Variants in SERHL2 observed in about 807,000 individuals in gnomAD.
SERHL2 encodes serine hydrolase-like protein 2.
SERHL2 carries 29 observed loss-of-function variants against 25.5 expected under a neutral mutation model. The ratio of observed to expected loss-of-function variants is 1.14; its 90% CI spans 0.85 to 1.55. SERHL2 has a LOEUF of 1.55. Among genes scored for constraint, SERHL2 ranks in the 40% most tolerant of loss-of-function variants. SERHL2 has a pLI of 0.00. For synonymous variants in SERHL2, 95 were observed against 103.5 expected (o/e 0.92, Z 0.50); for missense variants, 240 against 252.3 (o/e 0.95, Z 0.33).
rs1341315220 is a variant in SERHL2, at chr22:42,556,704, T to C, written c.423+116T>C. ...GGAAGCACGAGGAGGCGGCAGAGGG[T>C]GGGAAAGGGGAGTCAGGGACCCGCT... On this transcript the variant is annotated intron_variant, in intron 6 of 11. Coordinates refer to ENST00000327678, the MANE Select transcript of SERHL2 (RefSeq NM_014509.5). The C allele has an allele frequency of 1.1e-4, 118 of 1,080,560 alleles. 2 individuals are homozygous for C. In the Admixed American group the frequency reaches 2.7e-3, roughly 25 times the overall value. The allele number at this position is 1,080,560 out of a possible 1,614,324, so 66.9% of individuals were successfully genotyped here. A position where few individuals can be genotyped will look rare whatever the true frequency, so the allele number is the denominator to read the frequency against.
chr22:42,569,540 G>C (rs1361007199), intron 9 of SERHL2: 3 of 151,920 alleles, frequency 2.0e-5, no homozygotes, highest in Non-Finnish European at 4.4e-5. Flanking sequence ...GATTACAGGC[G>C]TGAGTGACTG....
rs181133169 is a variant in SERHL2, at chr22:42,560,964, C to T, written c.613+699C>T. Among the ~76,000 whole-genome samples, 301 of 151,880 alleles carry T rather than the reference C, an allele frequency of 2.0e-3. 1 individual carries two copies. Among genetic ancestry groups the T allele is most frequent in the African/African-American group, 6.9e-3 (286 of 41,500 alleles). ...CAGTGAGGCTGCAGTGAGCAAGAGC[C>T]GACTGTCCCTCTCTCAGTGGGGCCA... On this transcript the variant is annotated intron_variant, in intron 8 of 11. Coordinates refer to ENST00000327678, the MANE Select transcript of SERHL2 (RefSeq NM_014509.5).
intron 8 of SERHL2, among the ~76,000 whole-genome samples, chr22:42,562,967 G>A (rs546714566): frequency 2.0e-5 from 3 of 152,006 alleles, no homozygotes; most frequent in African/African-American, 7.2e-5. Context: ...GTCCAGGTGG[G>A]AGGACTGTTT....
chr22:42,572,839 A>T, intron 11 of SERHL2: 1 of 451,858 alleles, frequency 2.2e-6, no homozygotes, highest in Non-Finnish European at 2.9e-6. Flanking sequence ...TAATTTTTAT[A>T]TTTTATATTT....
intron 11 of SERHL2, 85 bp downstream of exon 11, chr22:42,572,614 A>G (rs1445256410): frequency 1.3e-6 from 2 of 1,548,326 alleles, no homozygotes; most frequent in Non-Finnish European, 1.8e-6. Context: ...TGCACTGGGA[A>G]GACCCTGGGT....
intron 9 of SERHL2, 54 bp downstream of exon 9, chr22:42,566,392 G>T: frequency 6.3e-7 from 1 of 1,590,276 alleles, no homozygotes. Context: ...TAGCGTCTTT[G>T]TCGTTTTTGA....
Position 42,555,709 on chromosome 22 carries a change from A to G in SERHL2, c.328+4A>G. The G allele has an allele frequency of 2.3e-5, 2 of 87,772 alleles. No homozygotes were observed. Among genetic ancestry groups the G allele is most frequent in the Non-Finnish European group, 3.6e-5 (2 of 55,852 alleles). 5.4% of individuals were successfully genotyped at this position (87,772 alleles called of 1,614,324 possible). ...TCCATTCTGGGCCACAGCTTCGGTG[A>G]GTACAGTGGCCAGGAGCTGACCGGG... On this transcript the variant is annotated splice_donor_region_variant and intron_variant, in intron 4 of 11. Coordinates refer to ENST00000327678, the MANE Select transcript of SERHL2 (RefSeq NM_014509.5).
intron 11 of SERHL2, among the ~76,000 whole-genome samples, chr22:42,573,075 T>C (rs917061253): frequency 6.6e-6 from 1 of 151,750 alleles, no homozygotes; most frequent in African/African-American, 2.4e-5. Flanking sequence ...CAGAGGTGGC[T>C]TTTCCCCCAG....
In SERHL2 at chr22:42,574,259, G is replaced by A; in HGVS notation, c.*204G>A. On this transcript the variant is annotated 3_prime_UTR_variant, in exon 12 of 12. Transcript: ENST00000327678. ...AGGGGGAGACAGAGTCTGGGTTCCA[G>A]GGCTGCTTTCTCCTGGCTAATAATA... 2 of 584,252 alleles carry A rather than the reference G, an allele frequency of 3.4e-6. No individual in the cohort carries two copies. Among genetic ancestry groups the A allele is most frequent in the Non-Finnish European group, 3.0e-6 (1 of 332,896 alleles). The allele number at this position is 584,252 out of a possible 1,614,324, so 36.2% of individuals were successfully genotyped here. A position where few individuals can be genotyped will look rare whatever the true frequency, so the allele number is the denominator to read the frequency against.
chr22:42,573,567 G>A (rs1924569896), intron 11 of SERHL2: 1 of 228,870 alleles, frequency 4.4e-6, no homozygotes, highest in Non-Finnish European at 8.6e-6. Flanking sequence ...GCCCTGTCTG[G>A]CTTCTTGAAG....
intron 8 of SERHL2, 151 bp from the exon 9 acceptor site, chr22:42,566,153 C>A: frequency 1.4e-6 from 1 of 709,480 alleles, no homozygotes; most frequent in Non-Finnish European, 2.4e-6. Context: ...GACCCCAGGA[C>A]AGGGAGTCCT....
intron 10 of SERHL2, 118 bp from the exon 11 acceptor site, chr22:42,572,318 T>A: frequency 1.5e-6 from 1 of 663,400 alleles, no homozygotes. Context: ...GCTGTGGGAG[T>A]TGGGGTAGCC....
intron 7 of SERHL2, among the ~76,000 whole-genome samples, chr22:42,559,713 T>C (rs1922429536): frequency 1.3e-5 from 2 of 151,090 alleles, no homozygotes; most frequent in Admixed American, 1.3e-4. Context: ...AGCAAGACTC[T>C]GTCTCACAAA....
rs530514017 is a variant in SERHL2 at position 42,566,332 on chromosome 22, C to G, written c.642C>G (p.Leu214=). 1.9e-6 allele frequency: 3 copies of G among 1,611,916 alleles called. 1 individual carries two copies. The highest frequency in any genetic ancestry group is 2.5e-6 in the Non-Finnish European group (3 of 1,179,210). ...TGLVLNRDQR[L]AWAENSIDFI... is the part of the protein sequence containing the mutation. Reference sequence around the variant, plus strand: ...TGGTTCTGAACAGAGACCAGAGGCTCGCCTGGGTGAGTACCACTGCCTCCG... The same window carrying G: ...TGGTTCTGAACAGAGACCAGAGGCTGGCCTGGGTGAGTACCACTGCCTCCG... Residue 214 remains leucine, a synonymous_variant, in exon 9 of 12, where the codon CTC becomes CTG. Transcript: ENST00000327678.
intron 10 of SERHL2, among the ~76,000 whole-genome samples, chr22:42,572,085 C>CG (rs201954250): frequency 1.3e-5 from 2 of 151,992 alleles, no homozygotes; most frequent in East Asian, 3.8e-4. Context: ...AGACTATCAA[C>CG]GGGAGGATTG....
At chr22:42,569,154 C>A (rs1164012023) in intron 9 of SERHL2, 1 of 170 alleles carries the variant, frequency 5.9e-3, no homozygotes, top group Non-Finnish European at 0.016. Context: ...TGCAAAGGAA[C>A]ATTTCACAAT....
chr22:42,568,850 C>T lies in SERHL2; in HGVS notation c.649-2271C>T, dbSNP rs773262908. The stretch of plus-strand genomic sequence containing the variant: ...GTGTGGTGGCACACACCTGTAGTCC[C>T]AGCTACTCAGGAGGCTGAGGCAGGA... On this transcript the variant is annotated intron_variant, in intron 9 of 11. Coordinates refer to ENST00000327678, the MANE Select transcript of SERHL2 (RefSeq NM_014509.5). 1.2e-3 allele frequency among the ~76,000 whole-genome samples: 181 copies of T among 151,860 alleles called. 1 individual carries two copies. The highest frequency in any genetic ancestry group is 2.1e-3 in the Non-Finnish European group (146 of 67,926).
At chr22:42,559,574 G>C (rs138801165) in intron 7 of SERHL2, among the ~76,000 whole-genome samples, 2 of 151,678 alleles carry the variant, frequency 1.3e-5, no homozygotes, top group East Asian at 3.9e-4. Flanking sequence ...TGGTGGTGGC[G>C]GGCGCCTGAA....
In SERHL2 at chr22:42,571,069, C is replaced by G. The variant is rs370844192; in HGVS notation, c.649-52C>G. 3.0e-5 allele frequency: 49 copies of G among 1,611,574 alleles called. 2 individuals are homozygous for G. The Admixed American group carries it at 5.8e-4, about 19-fold the overall frequency. On this transcript the variant is annotated intron_variant, in intron 9 of 11. Transcript: ENST00000327678. ...CCAACAGAGATGGGTTTCGTGCCCA[C>G]GAGAGTGCCTGTGCCTTGTGACGAG... is the stretch of plus-strand genomic sequence containing the variant.
Sources: gnomAD v4.1 joint callset for allele counts (sites outside exome capture counted in the v4.1 genomes callset) on GRCh38, gnomAD v4.1.1 for gene constraint, MANE v1.5 for transcripts, NCBI Gene and HGNC (gene_info 2026-07-23, HGNC 2026-07-21) for gene names.